CORO7: variants seen among roughly 807,000 people sequenced by gnomAD.
The protein encoded by CORO7 is coronin 7.
Under a neutral mutation model 126.6 loss-of-function variants are expected in CORO7, and 107 were observed. The ratio of observed to expected loss-of-function variants is 0.85; its 90% CI spans 0.72 to 0.99. The LOEUF (loss-of-function observed/expected upper bound fraction) is 0.99. Among genes scored for constraint, CORO7 ranks in the 50% least tolerant of loss-of-function variants. CORO7 has a pLI of 0.00. For synonymous variants in CORO7, 603 were observed against 536.8 expected (o/e 1.12, Z -1.70); for missense variants, 1,314 against 1,255.8 (o/e 1.05, Z -0.70).
chr16:4,378,871 G>A (rs555346023), intron 9 of CORO7, among the ~76,000 whole-genome samples: 4 of 152,170 alleles, frequency 2.6e-5, no homozygotes, highest in South Asian at 2.1e-4. Context: ...GCTTGTTGTC[G>A]CTAACTGGCT....
intron 9 of CORO7, chr16:4,382,295 C>A: frequency 6.2e-7 from 1 of 1,610,098 alleles, no homozygotes; most frequent in South Asian, 1.1e-5. Flanking sequence ...CCGGTGAGCC[C>A]CACCTCCCTG....
At chr16:4,400,168 GACTGACCC>G (rs2055747384) in intron 6 of CORO7, among the ~76,000 whole-genome samples, 1 of 152,162 alleles carries the variant, frequency 6.6e-6, no homozygotes, top group African/African-American at 2.4e-5. Context: ...ATACAACACA[GACTGACCC>G]CTCATGTAAA....
chr16:4,407,776 C>G, intron 4 of CORO7, 92 bp from the exon 5 acceptor site: 1 of 1,427,362 alleles, frequency 7.0e-7, no homozygotes, highest in Non-Finnish European at 9.3e-7. Flanking sequence ...CGTGTTGGAA[C>G]TAGGCTGCTC....
At chr16:4,401,791 C>T (rs2055817520) in intron 6 of CORO7, among the ~76,000 whole-genome samples, 1 of 152,212 alleles carries the variant, frequency 6.6e-6, no homozygotes, top group Non-Finnish European at 1.5e-5. Flanking sequence ...ATCCAGCAGT[C>T]AGGGCTGCTC....
intron 21 of CORO7, 84 bp from the exon 22 acceptor site, chr16:4,359,705 C>T (rs1405977567): frequency 4.0e-6 from 6 of 1,497,224 alleles, no homozygotes; most frequent in Non-Finnish European, 5.3e-6. Flanking sequence ...GTAGCCCCTG[C>T]TCTGTTCTGG....
At chr16:4,383,507 A>G (rs2055080327) in intron 9 of CORO7, 1 of 167,014 alleles carries the variant, frequency 6.0e-6, no homozygotes, top group African/African-American at 2.4e-5. Context: ...TTGTAAGAAA[A>G]AATAAAAGAT....
At chr16:4,380,769 G>A in intron 9 of CORO7, 1 of 1,291,488 alleles carries the variant, frequency 7.7e-7, no homozygotes, top group Non-Finnish European at 1.0e-6. Flanking sequence ...TCTTGCATTT[G>A]GGGGCAGAAG....
Position 4,355,371 on chromosome 16 carries a change from A to T in CORO7, c.2687T>A (p.Leu896Gln), listed in dbSNP as rs759552936. The change falls in exon 27 of 28, where the codon CTG becomes CAG. Residue 896 changes from leucine (L) to glutamine (Q), a missense_variant and splice_region_variant. Leu to Gln is a moderately radical substitution (Grantham distance 113, BLOSUM62 -2). Coordinates refer to ENST00000251166, the MANE Select transcript of CORO7 (RefSeq NM_024535.5). ...CAGTTTTGCCACCATGGCATTCAGC[A>T]GCTGGGAGAGAGGGCAGAAGAAGGG... ...EKSDQQKKEE[L>Q]LNAMVAKLGN... 6.2e-6 allele frequency: 10 copies of T among 1,609,340 alleles called. No individual in the cohort carries two copies. The highest frequency in any genetic ancestry group is 7.6e-6 in the Non-Finnish European group (9 of 1,179,414).
chr16:4,382,224 A>G, intron 9 of CORO7: 4 of 1,605,320 alleles, frequency 2.5e-6, no homozygotes, highest in Non-Finnish European at 3.4e-6. Flanking sequence ...GGCAGGGGAC[A>G]CGGCCCAGCC....
intron 14 of CORO7, among the ~76,000 whole-genome samples, chr16:4,363,889 G>A (rs1424281706): frequency 6.6e-6 from 1 of 151,562 alleles, no homozygotes; most frequent in Non-Finnish European, 1.5e-5. Context: ...CATGGTGGCG[G>A]GTGCCTGTAA....
chr16:4,404,163 G>C (rs1432614135), intron 6 of CORO7, among the ~76,000 whole-genome samples: 2 of 152,206 alleles, frequency 1.3e-5, no homozygotes, highest in African/African-American at 4.8e-5. Flanking sequence ...CAGAGCCCTG[G>C]GGCGGAATGC....
chr16:4,363,579 G>A (rs2141193059), intron 14 of CORO7, among the ~76,000 whole-genome samples: 1 of 152,226 alleles, frequency 6.6e-6, no homozygotes, highest in East Asian at 1.9e-4. Flanking sequence ...AGGCGTGGTG[G>A]CGCACGCCTG....
At chr16:4,365,690 C>A in intron 9 of CORO7, 145 bp from the exon 10 acceptor site, 1 of 1,087,240 alleles carries the variant, frequency 9.2e-7, no homozygotes. Context: ...CCCAGGAACC[C>A]CCTCCTCTTC....
intron 6 of CORO7, 118 bp downstream of exon 6, chr16:4,405,373 T>C (rs1332328086): frequency 8.6e-7 from 1 of 1,167,024 alleles, no homozygotes; most frequent in Non-Finnish European, 1.2e-6. Context: ...CAGATGACCA[T>C]CCTGACCTCA....
intron 24 of CORO7, 67 bp downstream of exon 24, chr16:4,358,300 G>A (rs2054045768): frequency 6.4e-7 from 1 of 1,571,634 alleles, no homozygotes. Flanking sequence ...GGGTCAGACG[G>A]GACCCAAACT....
chr16:4,405,310 C>T (rs1330633639), intron 6 of CORO7, among the ~76,000 whole-genome samples, 181 bp downstream of exon 6: 1 of 152,232 alleles, frequency 6.6e-6, no homozygotes, highest in Non-Finnish European at 1.5e-5. Context: ...AAGGTAGGGG[C>T]TTCCAGATGT....
At chr16:4,394,550 G>A (rs756170735) in intron 7 of CORO7, among the ~76,000 whole-genome samples, 1 of 151,822 alleles carries the variant, frequency 6.6e-6, no homozygotes, top group African/African-American at 2.4e-5. Context: ...AGACAAGCCC[G>A]TCCTCCTTCA....
intron 7 of CORO7, among the ~76,000 whole-genome samples, chr16:4,391,503 C>T (rs1262703295): frequency 6.6e-6 from 1 of 152,184 alleles, no homozygotes; most frequent in African/African-American, 2.4e-5. Flanking sequence ...TCGCAGTGAG[C>T]CGAGACTGTG....
At position 4,396,980 on chromosome 16, in the gene CORO7, C is replaced by T. The variant is rs1196243131; in HGVS notation, c.565-1641G>A. On this transcript the variant is annotated intron_variant, in intron 6 of 27. Coordinates refer to ENST00000251166, the MANE Select transcript of CORO7 (RefSeq NM_024535.5). ...GCAGTGAGCTGAGATTGCACCACTG[C>T]ACTCCAGCCTGGGCAACAGAGTGAG... Among the ~76,000 whole-genome samples the T allele has an allele frequency of 5.6e-5, 8 of 143,394 alleles. No homozygotes were observed. In the East Asian group the frequency reaches 1.7e-3, roughly 30 times the overall value. The allele number at this position is 143,394 out of a possible 152,430, so 94.1% of individuals were successfully genotyped here.
Sources: gnomAD v4.1 joint callset for allele counts (sites outside exome capture counted in the v4.1 genomes callset) on GRCh38, gnomAD v4.1.1 for gene constraint, MANE v1.5 for transcripts, NCBI Gene and HGNC (gene_info 2026-07-23, HGNC 2026-07-21) for gene names.